Variants in MOBP observed in about 807,000 individuals in gnomAD.
The protein encoded by MOBP is myelin-associated oligodendrocyte basic protein.
MOBP carries 5 observed loss-of-function variants against 15.0 expected under a neutral mutation model. The observed-to-expected ratio is 0.33, with a 90% CI of 0.17 to 0.70. MOBP has a LOEUF of 0.70. MOBP is among the 30% of genes least tolerant of loss of function. The probability of loss-of-function intolerance (pLI) is 0.67; values close to 1 mark genes in which losing one functional copy is unlikely to be tolerated. For missense variants in MOBP, 188 were observed against 257.8 expected, an observed-to-expected ratio of 0.73 and a Z score of 1.85; for synonymous variants, 88 against 99.0, an observed-to-expected ratio of 0.89 and a Z score of 0.66.
At chr3:39,487,527 T>C (rs1170649681) in intron 2 of MOBP, among the ~76,000 whole-genome samples, 7 of 121,336 alleles carry the variant, frequency 5.8e-5, no homozygotes, top group South Asian at 5.3e-4. Context: ...TCTTTTTTTT[T>C]TTTTTTTTTT....
At chr3:39,473,361 C>G (rs1008807546) in intron 1 of MOBP, among the ~76,000 whole-genome samples, 24 of 152,174 alleles carry the variant, frequency 1.6e-4, no homozygotes, top group African/African-American at 5.5e-4. Context: ...TGGGGAAGCG[C>G]TAAGGTCTTA....
intron 4 of MOBP, chr3:39,513,237 T>A: frequency 3.3e-6 from 2 of 603,134 alleles, no homozygotes; most frequent in Non-Finnish European, 5.4e-6. Flanking sequence ...ACTACCAGAA[T>A]TAAGAAATTA....
At chr3:39,489,030 C>T (rs527652628) in intron 2 of MOBP, among the ~76,000 whole-genome samples, 1 of 152,296 alleles carries the variant, frequency 6.6e-6, no homozygotes, top group Admixed American at 6.5e-5. Flanking sequence ...CTTTCTCATG[C>T]CTTGCCCCTA....
At chr3:39,485,610 A>T (rs1223989903) in intron 2 of MOBP, among the ~76,000 whole-genome samples, 1 of 152,182 alleles carries the variant, frequency 6.6e-6, no homozygotes, top group East Asian at 1.9e-4. Flanking sequence ...TTGTAGAAGC[A>T]CCCGTGTGCA....
downstream of MOBP, among the ~76,000 whole-genome samples, chr3:39,517,553 A>G (rs547372327): frequency 6.6e-6 from 1 of 152,352 alleles, no homozygotes; most frequent in East Asian, 1.9e-4. Flanking sequence ...TTCCACTGGA[A>G]CAAAAAGAGT....
At chr3:39,472,382 A>G (rs998135865) in intron 1 of MOBP, among the ~76,000 whole-genome samples, 16 of 152,202 alleles carry the variant, frequency 1.1e-4, no homozygotes, top group African/African-American at 3.9e-4. Flanking sequence ...ACATAGATTA[A>G]CTTTTTTCTC....
chr3:39,510,616 G>A (rs563356531), intron 4 of MOBP, among the ~76,000 whole-genome samples: 15 of 152,128 alleles, frequency 9.9e-5, no homozygotes, highest in African/African-American at 3.4e-4. Context: ...TTCATTGCTA[G>A]TATACAAAAA....
chr3:39,484,359 A>G (rs1164595466), intron 2 of MOBP, among the ~76,000 whole-genome samples: 1 of 152,184 alleles, frequency 6.6e-6, no homozygotes, highest in East Asian at 1.9e-4. Context: ...TAATTGAGAA[A>G]CAAGGACTTG....
intron 1 of MOBP, among the ~76,000 whole-genome samples, chr3:39,477,086 TC>T (rs1472719655): frequency 1.3e-5 from 2 of 152,116 alleles, no homozygotes; most frequent in African/African-American, 4.8e-5. Context: ...CTATGAGTTG[TC>T]CCTATTCTAG....
chr3:39,502,397 A>G lies in MOBP; in HGVS notation c.206+122A>G. The G allele has an allele frequency of 6.5e-7, 1 of 1,532,528 alleles. No individual in the cohort carries two copies. The highest frequency in any genetic ancestry group is 8.7e-7 in the Non-Finnish European group (1 of 1,143,294). 94.9% of individuals were successfully genotyped at this position (1,532,528 alleles called of 1,614,324 possible). ...AGTCGGCTCCGGGTTAGGCTCCGACACCGGAAGGCACTCCAGGGAGACTGG... is the reference window on the plus strand; with the variant it reads ...AGTCGGCTCCGGGTTAGGCTCCGACGCCGGAAGGCACTCCAGGGAGACTGG... On this transcript the variant is annotated intron_variant, in intron 3 of 3. Coordinates refer to ENST00000684792, the MANE Select transcript of MOBP (RefSeq NM_001393704.1). This position sits in a 1 kb window ranked among gnomAD's most constrained non-coding sequence, Gnocchi z 6.3.
chr3:39,517,361 A>G (rs2043216108), downstream of MOBP, among the ~76,000 whole-genome samples: 1 of 152,188 alleles, frequency 6.6e-6, no homozygotes, highest in Non-Finnish European at 1.5e-5. Flanking sequence ...CCTTACTACC[A>G]TGATGCGGCA....
chr3:39,501,980 G>A, intron 2 of MOBP, 86 bp from the exon 3 acceptor site: 1 of 1,119,620 alleles, frequency 8.9e-7, no homozygotes, highest in Admixed American at 1.9e-5. Context: ...GATTATGGGA[G>A]TAGCAGGGGG....
Position 39,503,011 on chromosome 3 carries a change from A to C in MOBP, c.*131A>C. The C allele has an allele frequency of 1.8e-6, 1 of 565,354 alleles. No homozygotes were observed. The highest frequency in any genetic ancestry group is 3.1e-6 in the Non-Finnish European group (1 of 323,942). The allele number at this position is 565,354 out of a possible 1,614,324, so 35.0% of individuals were successfully genotyped here. ...CTGTGTAATCAGCTCCCTCCATTAA[A>C]TCCCCTCTGTTTGAAATACCTAGTG... On this transcript the variant is annotated 3_prime_UTR_variant, in exon 4 of 4. Coordinates refer to ENST00000684792, the MANE Select transcript of MOBP (RefSeq NM_001393704.1).
At chr3:39,473,346 C>A (rs2042497417) in intron 1 of MOBP, among the ~76,000 whole-genome samples, 1 of 152,150 alleles carries the variant, frequency 6.6e-6, no homozygotes, top group Non-Finnish European at 1.5e-5. Flanking sequence ...GGCCACCTGG[C>A]CACATGGGGA....
rs1559412168 is a variant in MOBP, at chr3:39,469,140, ATACATATATACATATGTGTGTGTG to A, written c.-89+1403_-89+1426del. ...TACATATATACATATGTGTGTGTAT[ATACATATATACATATGTGTGTGTG>A]TATACATATATACATGTGTGTGTGT... On this transcript the variant is annotated intron_variant, in intron 1 of 3. Transcript: ENST00000684792. Among the ~76,000 whole-genome samples, 20 of 94,812 alleles carry A rather than the reference ATACATATATACATATGTGTGTGTG, an allele frequency of 2.1e-4. 2 individuals carry two copies. The highest frequency in any genetic ancestry group is 1.2e-3 in the African/African-American group (15 of 12,576). The allele number at this position is 94,812 out of a possible 152,430, so 62.2% of individuals were successfully genotyped here. A position where few individuals can be genotyped will look rare whatever the true frequency, so the allele number is the denominator to read the frequency against.
chr3:39,524,166 A>G (rs2043301782), intron 3 of MOBP: 1 of 152,220 alleles, frequency 6.6e-6, no homozygotes, highest in South Asian at 2.1e-4. Context: ...ATGCACAGAT[A>G]CAACCACTGG....
chr3:39,485,177 T>C (rs1300677153), intron 2 of MOBP, among the ~76,000 whole-genome samples: 1 of 152,250 alleles, frequency 6.6e-6, no homozygotes, highest in Non-Finnish European at 1.5e-5. Flanking sequence ...ACATTTATTG[T>C]ACTAATTTGT....
chr3:39,489,508 A>G (rs556926373), intron 2 of MOBP, among the ~76,000 whole-genome samples: 1 of 152,186 alleles, frequency 6.6e-6, no homozygotes, highest in Admixed American at 6.5e-5. Context: ...TTGCACATAT[A>G]GACTGATATC....
downstream of MOBP, chr3:39,527,389 G>A (rs2043335079): frequency 6.6e-6 from 1 of 151,414 alleles, no homozygotes; most frequent in South Asian, 2.1e-4. Context: ...ACTTTGAAAA[G>A]TAGTATTTGT....
Sources: allele counts gnomAD v4.1 joint callset (sites outside exome capture counted in the v4.1 genomes callset), GRCh38; gene constraint gnomAD v4.1.1; non-coding constraint Gnocchi (gnomAD v3.1); transcripts MANE v1.5; gene names NCBI Gene and HGNC (gene_info 2026-07-23, HGNC 2026-07-21).